Variants in PALLD observed in about 807,000 individuals in gnomAD.
PALLD encodes palladin.
Under a neutral mutation model 123.5 loss-of-function variants are expected in PALLD, and 61 were observed. The ratio of observed to expected loss-of-function variants is 0.49; its 90% CI spans 0.40 to 0.61. The LOEUF is 0.61. Among genes scored for constraint, PALLD ranks in the 20% least tolerant of loss-of-function variants. PALLD has a pLI of 0.00. For synonymous variants in PALLD, 465 were observed against 496.4 expected, an observed-to-expected ratio of 0.94 and a Z score of 0.84; for missense variants, 1,273 against 1,377.0, an observed-to-expected ratio of 0.92 and a Z score of 1.20.
At chr4:168,557,126 C>T (rs1048759178) in intron 2 of PALLD, among the ~76,000 whole-genome samples, 1 of 152,166 alleles carries the variant, frequency 6.6e-6, no homozygotes, top group Admixed American at 6.5e-5. Flanking sequence ...TCACTGCAAC[C>T]TCCACCTCCC....
chr4:168,892,338 A>T (rs913396234), intron 11 of PALLD, among the ~76,000 whole-genome samples: 2 of 152,210 alleles, frequency 1.3e-5, no homozygotes, highest in African/African-American at 4.8e-5. Flanking sequence ...TCCCTTTCAG[A>T]CACCTTTTTC....
intron 2 of PALLD, among the ~76,000 whole-genome samples, chr4:168,571,255 A>G (rs1021668060): frequency 6.6e-6 from 1 of 152,112 alleles, no homozygotes; most frequent in African/African-American, 2.4e-5. Flanking sequence ...AAAACTTACC[A>G]GTTCATTCAT....
intron 2 of PALLD, chr4:168,631,779 A>T (rs1472643067): frequency 1.0e-6 from 1 of 985,358 alleles, no homozygotes; most frequent in Admixed American, 6.1e-5. Context: ...TCTCCGTTGC[A>T]TTCTGCAAAC....
intron 3 of PALLD, among the ~76,000 whole-genome samples, chr4:168,677,411 CA>C: frequency 6.6e-6 from 1 of 152,276 alleles, no homozygotes; most frequent in Non-Finnish European, 1.5e-5. Context: ...TGTGTTTATT[CA>C]GGGGGCCCCA....
chr4:168,854,054 C>T (rs1024782678), intron 10 of PALLD, among the ~76,000 whole-genome samples: 2 of 152,124 alleles, frequency 1.3e-5, no homozygotes, highest in African/African-American at 4.8e-5. Context: ...TATTATTACC[C>T]CATTACATAG....
chr4:168,698,540 A>G (rs1160641769), intron 8 of PALLD, among the ~76,000 whole-genome samples: 2 of 152,050 alleles, frequency 1.3e-5, no homozygotes, highest in African/African-American at 4.8e-5. Flanking sequence ...AATTTAAAGA[A>G]ACAAAATATG....
At chr4:168,849,383 G>A (rs1747401732) in intron 10 of PALLD, among the ~76,000 whole-genome samples, 1 of 152,200 alleles carries the variant, frequency 6.6e-6, no homozygotes, top group Admixed American at 6.5e-5. Flanking sequence ...AGGAGAAGAG[G>A]GATGCGTTTT....
Position 168,921,550 on chromosome 4 carries a change from C to T in PALLD, c.2867C>T (p.Thr956Ile), listed in dbSNP as rs371498362. The T allele has an allele frequency of 2.5e-5, 40 of 1,605,346 alleles. No homozygotes were observed. Among genetic ancestry groups the T allele is most frequent in the Non-Finnish European group, 3.4e-5 (40 of 1,176,794 alleles). ...ATGATTTAGGTCAGTGGGTTACCAA[C>T]CCCAGATCTAAGCTGGCAACTAGAT... is the stretch of plus-strand genomic sequence containing the variant. ...RMDCKVSGLPTPDLSWQLDGK... is the reference protein window; with the variant it reads ...RMDCKVSGLPIPDLSWQLDGK... The change falls in exon 18 of 22, where the codon ACC (threonine) becomes ATC (isoleucine). Residue 956 changes from threonine to isoleucine, a missense_variant. Around this residue, in one of 2 missense-constraint regions of PALLD, gnomAD observed 329 missense variants for 422.5 expected, o/e 0.78. Coordinates refer to ENST00000505667, the MANE Select transcript of PALLD (RefSeq NM_001166108.2).
intron 2 of PALLD, among the ~76,000 whole-genome samples, chr4:168,665,849 A>T (rs1032833636): frequency 6.6e-6 from 1 of 152,162 alleles, no homozygotes; most frequent in East Asian, 1.9e-4. Context: ...AAAGATCCAG[A>T]TACTACATAA....
chr4:168,657,167 G>A (rs1778663303), intron 2 of PALLD, among the ~76,000 whole-genome samples: 1 of 152,190 alleles, frequency 6.6e-6, no homozygotes, highest in South Asian at 2.1e-4. Flanking sequence ...CAGAACACAT[G>A]TTCCATGGTC....
rs1195654835 is a variant in PALLD, at chr4:168,894,601, T to A, written c.2123T>A (p.Met708Lys). 6.2e-7 allele frequency: 1 copy of A among 1,613,246 alleles called. No homozygotes were observed. Among genetic ancestry groups the A allele is most frequent in the Non-Finnish European group, 8.5e-7 (1 of 1,179,478 alleles). ...GQPRLTYEERMARRLLGADSA... is the reference protein window; with the variant it reads ...GQPRLTYEERKARRLLGADSA... ...TAGAGGTTAACATACGAAGAAAGAA[T>A]GGCTCGTCGACTGCTAGGTGCTGAC... The change falls in exon 12 of 22, where the codon ATG becomes AAG. Residue 708 changes from methionine (M) to lysine (K), a missense_variant. Around this residue, in one of 2 missense-constraint regions of PALLD, gnomAD observed 944 missense variants for 954.5 expected, o/e 0.99. Transcript: ENST00000505667.
intron 15 of PALLD, among the ~76,000 whole-genome samples, chr4:168,906,825 C>G (rs751661172): frequency 3.3e-5 from 5 of 151,738 alleles, no homozygotes; most frequent in Non-Finnish European, 7.4e-5. Flanking sequence ...GTAATCTTAC[C>G]CAAAGCCCAA....
intron 2 of PALLD, among the ~76,000 whole-genome samples, chr4:168,514,497 T>A (rs1343851828): frequency 6.6e-6 from 1 of 152,228 alleles, no homozygotes; most frequent in Non-Finnish European, 1.5e-5. Context: ...TTTCATGTGT[T>A]CATTTAATTA....
At chr4:168,665,800 T>C (rs1014274987) in intron 2 of PALLD, among the ~76,000 whole-genome samples, 14 of 152,062 alleles carry the variant, frequency 9.2e-5, no homozygotes, top group African/African-American at 3.4e-4. Context: ...GGACCACACT[T>C]TGAGGAGCAA....
intron 11 of PALLD, among the ~76,000 whole-genome samples, chr4:168,892,882 G>GT (rs1338710880): frequency 1.3e-5 from 2 of 152,168 alleles, no homozygotes; most frequent in African/African-American, 4.8e-5. Flanking sequence ...AACATTCACA[G>GT]TAAGTTCCAC....
Position 168,898,497 on chromosome 4 carries a change from A to T in PALLD, c.2255A>T (p.Tyr752Phe), listed in dbSNP as rs923093903. 4 of 1,608,494 alleles carry T rather than the reference A, an allele frequency of 2.5e-6. No homozygotes were observed. In the Admixed American group the frequency reaches 6.7e-5, roughly 27 times the overall value. ...VGSPLDGQKE[Y>F]KVSSCEQRLI... Reference sequence around the variant, plus strand: ...CTTAAACTTTCCTTGATTCAGGAATACAAAGTCTCCAGCTGTGAACAGAGA... The same window carrying T: ...CTTAAACTTTCCTTGATTCAGGAATTCAAAGTCTCCAGCTGTGAACAGAGA... Residue 752 changes from tyrosine to phenylalanine, a missense_variant, in exon 14 of 22, where the codon TAC becomes TTC. By Grantham distance (22) the Tyr-to-Phe change is conservative. Coordinates refer to ENST00000505667, the MANE Select transcript of PALLD (RefSeq NM_001166108.2).
intron 10 of PALLD, among the ~76,000 whole-genome samples, chr4:168,850,523 CTTTTTTTT>C (rs767777801): frequency 5.8e-5 from 2 of 34,690 alleles, no homozygotes; most frequent in African/African-American, 1.3e-4. Context: ...TCTGTCATTT[CTTTTTTTT>C]TTTTTTTTTT....
chr4:168,590,373 C>A (rs1347152456), intron 2 of PALLD, among the ~76,000 whole-genome samples: 1 of 152,146 alleles, frequency 6.6e-6, no homozygotes, highest in Non-Finnish European at 1.5e-5. Flanking sequence ...ACACAAAAGT[C>A]TCAATATCCG....
intron 8 of PALLD, among the ~76,000 whole-genome samples, chr4:168,707,965 G>A (rs1784381036): frequency 6.6e-6 from 1 of 152,138 alleles, no homozygotes; most frequent in Non-Finnish European, 1.5e-5. Context: ...TGGCTATGAA[G>A]CATTTGCTCT....
Sources: gnomAD v4.1 joint callset for allele counts (sites outside exome capture counted in the v4.1 genomes callset) on GRCh38, gnomAD v4.1.1 for gene constraint, gnomAD v4.1.1 regional missense constraint, MANE v1.5 for transcripts, NCBI Gene and HGNC (gene_info 2026-07-23, HGNC 2026-07-21) for gene names.